Variants in DNAH10 observed in about 807,000 individuals in gnomAD.
DNAH10 encodes the protein axonemal beta dynein heavy chain 10.
A neutral mutation model predicts 506.6 loss-of-function variants in DNAH10; 348 were observed. The observed-to-expected ratio is 0.69, with a 90% CI of 0.63 to 0.75. The LOEUF is 0.75. Among genes scored for constraint, DNAH10 ranks in the 30% least tolerant of loss-of-function variants. The pLI is 0.00. For synonymous variants in DNAH10, 2,059 were observed against 2,198.6 expected (o/e 0.94, Z 1.78); for missense variants, 5,179 against 5,787.1 (o/e 0.89, Z 3.41).
rs994566214 is a variant in DNAH10 at position 123,913,044 on chromosome 12, C to T, written c.10135-54C>T. ...GTGGCCTGGTTTGAGGCCATGGGAT[C>T]GCGGCCCCACCACGGTCCTTTTCCC... On this transcript the variant is annotated intron_variant, in intron 59 of 78. Coordinates refer to ENST00000673944, the MANE Select transcript of DNAH10 (RefSeq NM_001372106.1). This position sits in a 1 kb window ranked among gnomAD's most constrained non-coding sequence, Gnocchi z 5.1. The T allele has an allele frequency of 3.2e-5, 48 of 1,522,542 alleles. No homozygotes were observed. The highest frequency in any genetic ancestry group is 4.1e-5 in the African/African-American group (3 of 72,556). The allele number at this position is 1,522,542 out of a possible 1,614,324, so 94.3% of individuals were successfully genotyped here. A position where few individuals can be genotyped will look rare whatever the true frequency, so the allele number is the denominator to read the frequency against.
chr12:123,837,892 T>G (rs989615513), intron 28 of DNAH10, among the ~76,000 whole-genome samples: 1 of 151,596 alleles, frequency 6.6e-6, no homozygotes, highest in African/African-American at 2.4e-5. Context: ...GGCTTGAAAA[T>G]AGAATCATTC....
chr12:123,821,718 G>A (rs1302966624), intron 24 of DNAH10, among the ~76,000 whole-genome samples: 1 of 152,078 alleles, frequency 6.6e-6, no homozygotes, highest in East Asian at 1.9e-4. Context: ...TCTCTTTGGA[G>A]GTCAAGGGCT....
intron 53 of DNAH10, among the ~76,000 whole-genome samples, chr12:123,893,644 G>A (rs1048589046): frequency 2.0e-5 from 3 of 152,250 alleles, no homozygotes; most frequent in African/African-American, 7.2e-5. Context: ...ACAGGAGGAT[G>A]TACCCATGCT....
rs940023369 is a variant in DNAH10, at chr12:123,787,108, C to G, written c.1422-696C>G. 6.6e-6 allele frequency among the ~76,000 whole-genome samples: 1 copy of G among 152,162 alleles called. No homozygotes were observed. ...GAGCCGAGATTGCACCTGTCTATAT[C>G]TGTATCTATATCATCATCTAGCGAT... is the stretch of plus-strand genomic sequence containing the variant. On this transcript the variant is annotated intron_variant, in intron 9 of 78. Transcript: ENST00000673944. The surrounding 1 kb of genome is among the most constrained non-coding windows in gnomAD (Gnocchi z 4.6).
chr12:123,830,598 A>T lies in DNAH10; in HGVS notation c.4444A>T (p.Thr1482Ser). 1 of 1,613,856 alleles carries T rather than the reference A, an allele frequency of 6.2e-7. No individual in the cohort carries two copies. Among genetic ancestry groups the T allele is most frequent in the Non-Finnish European group, 8.5e-7 (1 of 1,179,848 alleles). Residue 1482 changes from threonine (T) to serine (S), a missense_variant, in exon 26 of 79, where the codon ACG becomes TCG. This residue lies in a region of DNAH10 where 4,844 missense variants were observed against 5,430.5 expected (regional missense o/e 0.89). Coordinates refer to ENST00000673944, the MANE Select transcript of DNAH10 (RefSeq NM_001372106.1). Reference sequence around the variant, plus strand: ...GTCTGTCTTTTTTGAAATGACCGAAACGTTCACCTTGGAAAATATGTTTGC... The same window carrying T: ...GTCTGTCTTTTTTGAAATGACCGAATCGTTCACCTTGGAAAATATGTTTGC... ...KTSVFFEMTETFTLENMFAME... is the reference protein window; with the variant it reads ...KTSVFFEMTESFTLENMFAME...
In DNAH10 at chr12:123,867,983, G is replaced by A. The variant is rs552262780; in HGVS notation, c.7383G>A (p.Leu2461=). The change falls in exon 43 of 79, where the codon CTG becomes CTA. Residue 2461 remains leucine (L), a synonymous_variant. Transcript: ENST00000673944. ...TTGACCTGCTGGAGTGCTACTTCCT[G>A]GAGGCTTTGTACTGCTCTCTGGGAG... ...EDLDLLECYF[L]EALYCSLGAS... is the part of the protein sequence containing the mutation. 11 of 1,613,890 alleles carry A rather than the reference G, an allele frequency of 6.8e-6. No individual in the cohort carries two copies. In the South Asian group the frequency reaches 1.1e-4, roughly 16 times the overall value.
chr12:123,867,403 T>C, intron 41 of DNAH10, 64 bp from the exon 42 acceptor site: 4 of 1,541,506 alleles, frequency 2.6e-6, no homozygotes, highest in Non-Finnish European at 3.5e-6. Context: ...AAGAAAAGCT[T>C]TCCACTAACT....
chr12:123,791,696 C>T (rs1175784438), intron 11 of DNAH10, among the ~76,000 whole-genome samples: 1 of 152,106 alleles, frequency 6.6e-6, no homozygotes, highest in Non-Finnish European at 1.5e-5. Flanking sequence ...TCCGCCTCAG[C>T]CTACCGAGTA....
chr12:123,794,230 C>A, intron 12 of DNAH10, 118 bp downstream of exon 12: 1 of 811,286 alleles, frequency 1.2e-6, no homozygotes, highest in South Asian at 3.2e-5. Context: ...AGAATTTTCC[C>A]AAATTAGCAT....
chr12:123,800,404 T>C lies in DNAH10; in HGVS notation c.2462+16T>C. 6.2e-7 allele frequency: 1 copy of C among 1,609,430 alleles called. No homozygotes were observed. Among genetic ancestry groups the C allele is most frequent in the Non-Finnish European group, 8.5e-7 (1 of 1,178,746 alleles). On this transcript the variant is annotated intron_variant, in intron 15 of 78. Coordinates refer to ENST00000673944, the MANE Select transcript of DNAH10 (RefSeq NM_001372106.1). ...AATTCCTTAGGTAAAAAAATTCTTC[T>C]TTTAAATTAGCAGTAAGCTTTTTGT...
At chr12:123,871,810 G>A (rs1952047042) in intron 45 of DNAH10, among the ~76,000 whole-genome samples, 1 of 152,234 alleles carries the variant, frequency 6.6e-6, no homozygotes, top group Admixed American at 6.5e-5. Context: ...CCTGGGTAGA[G>A]CTGGAGGATC....
At position 123,918,698 on chromosome 12, in the gene DNAH10, C is replaced by T. The variant is rs367993353; in HGVS notation, c.11255C>T (p.Ala3752Val). The change falls in exon 65 of 79, where the codon GCG becomes GTG. Residue 3752 changes from alanine to valine, a missense_variant. Transcript: ENST00000673944. ...ATEVSEKLKL[A>V]EKTALDIDRL... ...CAGGTCTCAGAGAAACTCAAGCTGGCGGAGAAGACAGCCTTGGACATCGAC... is the reference window on the plus strand; with the variant it reads ...CAGGTCTCAGAGAAACTCAAGCTGGTGGAGAAGACAGCCTTGGACATCGAC... The T allele has an allele frequency of 1.6e-5, 25 of 1,561,612 alleles. No individual in the cohort carries two copies. In the East Asian group the frequency reaches 2.0e-4, roughly 13 times the overall value.
At chr12:123,918,290 A>G (rs777584096) in intron 64 of DNAH10, among the ~76,000 whole-genome samples, 1 of 152,176 alleles carries the variant, frequency 6.6e-6, no homozygotes, top group Non-Finnish European at 1.5e-5. Flanking sequence ...TCCTGTTCCT[A>G]CCGTGAAGGT....
At chr12:123,861,304 C>G (rs1404700465) in intron 39 of DNAH10, 134 bp downstream of exon 39, 6 of 1,194,236 alleles carry the variant, frequency 5.0e-6, no homozygotes, top group Non-Finnish European at 6.9e-6. Flanking sequence ...GTCTTGGAGG[C>G]TGTGCTTCGG....
chr12:123,764,295 C>G (rs1467914360), intron 1 of DNAH10, among the ~76,000 whole-genome samples: 1 of 152,174 alleles, frequency 6.6e-6, no homozygotes, highest in Non-Finnish European at 1.5e-5. Flanking sequence ...CACGTGATCA[C>G]GTTTTGGAAT....
chr12:123,762,531 G>T lies in DNAH10; in HGVS notation c.195G>T (p.Glu65Asp). ...TCATCTACCGCACTATGGTGCCGGA[G>T]GAGGTGGAGGTGGAGATTGGTGAGC... is the stretch of plus-strand genomic sequence containing the variant. ...ALFIYRTMVP[E>D]EVEVEIDEIP... The change falls in exon 1 of 79, where the codon GAG (glutamate) becomes GAT (aspartate). Residue 65 changes from glutamate to aspartate, a missense_variant. Physicochemically the swap from Glu to Asp is conservative, Grantham distance 45. Coordinates refer to ENST00000673944, the MANE Select transcript of DNAH10 (RefSeq NM_001372106.1). This position sits in a 1 kb window ranked among gnomAD's most constrained non-coding sequence, Gnocchi z 5.0. 6.4e-7 allele frequency: 1 copy of T among 1,557,646 alleles called. No individual in the cohort carries two copies.
In DNAH10 at chr12:123,931,758, T is replaced by G; in HGVS notation, c.13039T>G (p.Ser4347Ala). The change falls in exon 75 of 79, where the codon TCC (serine) becomes GCC (alanine). Residue 4347 changes from serine to alanine, a missense_variant. Ser to Ala is a moderately conservative substitution (Grantham distance 99). Around this residue, in one of 3 missense-constraint regions of DNAH10, gnomAD observed 4,844 missense variants for 5,430.5 expected, o/e 0.89. Coordinates refer to ENST00000673944, the MANE Select transcript of DNAH10 (RefSeq NM_001372106.1). Reference sequence around the variant, plus strand: ...GAGGAAGCGCCTCGGAACAGGACTCTCCCCCACTTCGGTGGTGCTCCTGCA... The same window carrying G: ...GAGGAAGCGCCTCGGAACAGGACTCGCCCCCACTTCGGTGGTGCTCCTGCA... ...QVRKRLGTGL[S>A]PTSVVLLQEL... 6.2e-7 allele frequency: 1 copy of G among 1,614,014 alleles called. No homozygotes were observed. Among genetic ancestry groups the G allele is most frequent in the Admixed American group, 1.7e-5 (1 of 60,030 alleles).
chr12:123,898,808 G>A lies in DNAH10; in HGVS notation c.9634G>A (p.Ala3212Thr), dbSNP rs757870563. ...ALLEEIAVNT[A>T]VAEEKKKLAE... ...GCTGGAGGAGATCGCCGTCAACACC[G>A]CTGTAGGTGAGTGAGGGCGGGGCCA... The change falls in exon 56 of 79, where the codon GCT (alanine) becomes ACT (threonine). Residue 3212 changes from alanine to threonine, a missense_variant. Around this residue, in one of 3 missense-constraint regions of DNAH10, gnomAD observed 4,844 missense variants for 5,430.5 expected, o/e 0.89. Coordinates refer to ENST00000673944, the MANE Select transcript of DNAH10 (RefSeq NM_001372106.1). 54 of 1,607,006 alleles carry A rather than the reference G, an allele frequency of 3.4e-5. No individual in the cohort carries two copies. The highest frequency in any genetic ancestry group is 4.2e-5 in the Non-Finnish European group (50 of 1,176,636).
At chr12:123,886,510 T>A (rs914574169) in intron 51 of DNAH10, among the ~76,000 whole-genome samples, 33 of 151,444 alleles carry the variant, frequency 2.2e-4, no homozygotes, top group East Asian at 5.8e-4. Flanking sequence ...TGTGTGTGTG[T>A]GAGCATGTGT....
Sources: allele counts gnomAD v4.1 joint callset (sites outside exome capture counted in the v4.1 genomes callset), GRCh38; gene constraint gnomAD v4.1.1; regional missense constraint gnomAD v4.1.1; non-coding constraint Gnocchi (gnomAD v3.1); transcripts MANE v1.5; gene names NCBI Gene and HGNC (gene_info 2026-07-23, HGNC 2026-07-21).